Variants in NELL1 observed in about 807,000 individuals in gnomAD.
NELL1 encodes the protein neural EGFL like 1, also known as protein kinase C-binding protein NELL1.
A neutral mutation model predicts 107.4 loss-of-function variants in NELL1; 76 were observed. That is an observed-to-expected ratio of 0.71 (90% confidence interval 0.59 to 0.86). The LOEUF is 0.86. NELL1 is among the 40% of genes least tolerant of loss of function. The pLI is 0.00. For missense variants in NELL1, 1,024 were observed against 1,005.5 expected, an observed-to-expected ratio of 1.02 and a Z score of -0.25; for synonymous variants, 353 against 341.2, an observed-to-expected ratio of 1.03 and a Z score of -0.38.
chr11:21,309,837 G>T (rs11026014), intron 14 of NELL1, among the ~76,000 whole-genome samples: 1 of 151,868 alleles, frequency 6.6e-6, no homozygotes, highest in Non-Finnish European at 1.5e-5. Context: ...CAGGAAAGAC[G>T]CACCCCATTA....
intron 14 of NELL1, among the ~76,000 whole-genome samples, chr11:21,326,082 G>GTTTTTTTTTT (rs1850131682): frequency 2.4e-5 from 1 of 41,042 alleles, no homozygotes; most frequent in Non-Finnish European, 4.5e-5. Context: ...TTTTTTTTTT[G>GTTTTTTTTTT]GGCTATTTTG....
intron 4 of NELL1, among the ~76,000 whole-genome samples, chr11:20,874,500 C>T (rs1052168592): frequency 6.6e-6 from 1 of 152,156 alleles, no homozygotes; most frequent in Admixed American, 6.5e-5. Context: ...TCTCTGTGAA[C>T]ATCTGTCAAT....
chr11:20,707,579 C>T (rs1462317457), intron 2 of NELL1, among the ~76,000 whole-genome samples: 2 of 152,162 alleles, frequency 1.3e-5, no homozygotes, highest in African/African-American at 4.8e-5. Flanking sequence ...TGTTAGTTTT[C>T]CTTCTAACAG....
chr11:20,987,589 C>T (rs1385731777), intron 12 of NELL1, among the ~76,000 whole-genome samples: 1 of 152,130 alleles, frequency 6.6e-6, no homozygotes, highest in Non-Finnish European at 1.5e-5. Context: ...TTTGTGAGAA[C>T]TCACTATCAC....
chr11:21,405,791 A>G (rs1348289644), intron 15 of NELL1, among the ~76,000 whole-genome samples: 1 of 151,910 alleles, frequency 6.6e-6, no homozygotes, highest in East Asian at 2.0e-4. Flanking sequence ...TCCTTCTACT[A>G]AAAATGGCCA....
At chr11:20,968,610 G>A (rs554759609) in intron 12 of NELL1, among the ~76,000 whole-genome samples, 1 of 152,290 alleles carries the variant, frequency 6.6e-6, no homozygotes, top group East Asian at 1.9e-4. Flanking sequence ...CATGACAAGA[G>A]GGTAGCTGTC....
At chr11:20,795,271 TAAAAC>T (rs946323252) in intron 3 of NELL1, among the ~76,000 whole-genome samples, 2 of 152,182 alleles carry the variant, frequency 1.3e-5, no homozygotes, top group Non-Finnish European at 2.9e-5. Context: ...AGTGGGCAGA[TAAAAC>T]GAAACAGAAA....
At chr11:21,383,663 A>G (rs1271765735) in intron 15 of NELL1, 2 of 140,630 alleles carry the variant, frequency 1.4e-5, no homozygotes, top group South Asian at 2.3e-4. Context: ...ACAGATTTAT[A>G]TATGTATATA....
intron 12 of NELL1, among the ~76,000 whole-genome samples, chr11:21,050,278 AC>A (rs1358322295): frequency 1.3e-5 from 2 of 151,380 alleles, no homozygotes; most frequent in Non-Finnish European, 2.9e-5. Context: ...CCCGCCCCCC[AC>A]TTTTTTTTAA....
At chr11:21,303,308 TG>T (rs912421069) in intron 14 of NELL1, among the ~76,000 whole-genome samples, 46 of 152,106 alleles carry the variant, frequency 3.0e-4, no homozygotes, top group Admixed American at 1.7e-3. Context: ...TATTGCAAAT[TG>T]TTTTTTTAGA....
intron 15 of NELL1, among the ~76,000 whole-genome samples, chr11:21,515,403 T>A (rs1183435657): frequency 6.6e-6 from 1 of 152,158 alleles, no homozygotes. Context: ...CACTGCAACA[T>A]GTTTAACTAA....
intron 12 of NELL1, among the ~76,000 whole-genome samples, chr11:21,070,365 C>T (rs560975337): frequency 2.0e-4 from 30 of 152,096 alleles, no homozygotes; most frequent in Admixed American, 1.2e-3. Flanking sequence ...GTTTGAGGAT[C>T]CTGGATGAAC....
chr11:20,892,802 G>A (rs116869474), intron 5 of NELL1, among the ~76,000 whole-genome samples: 3,649 of 152,114 alleles, frequency 0.024, 57 homozygotes, highest in Non-Finnish European at 0.036. Flanking sequence ...GGCGGCACGC[G>A]CCAGTAATCT....
intron 15 of NELL1, among the ~76,000 whole-genome samples, chr11:21,523,039 G>T (rs2133958266): frequency 6.6e-6 from 1 of 151,474 alleles, no homozygotes; most frequent in Non-Finnish European, 1.5e-5. Context: ...AGTAGAAACG[G>T]GGTTTCACCA....
At chr11:21,145,472 T>C (rs1855957199) in intron 13 of NELL1, among the ~76,000 whole-genome samples, 1 of 152,102 alleles carries the variant, frequency 6.6e-6, no homozygotes. Flanking sequence ...ATAATTGAGA[T>C]AGAAAGATGT....
rs1857503650 is a variant in NELL1 at position 21,211,819 on chromosome 11, TTG to T, written c.1427-17511_1427-17510del. Among the ~76,000 whole-genome samples the T allele has an allele frequency of 2.0e-5, 3 of 152,144 alleles. No homozygotes were observed. The South Asian group carries it at 6.2e-4, about 32-fold the overall frequency. ...CACGGTTCTGCTGCTTCTATTTTTT[TTG>T]TTTGTTTGGTTTTTTTGTTTTTGAG... On this transcript the variant is annotated intron_variant, in intron 13 of 19. Coordinates refer to ENST00000357134, the MANE Select transcript of NELL1 (RefSeq NM_006157.5).
At chr11:21,288,045 T>G (rs1032781098) in intron 14 of NELL1, among the ~76,000 whole-genome samples, 95 of 143,776 alleles carry the variant, frequency 6.6e-4, no homozygotes, top group Non-Finnish European at 7.8e-4. Flanking sequence ...AAAGAAAAAA[T>G]AAGGGAAGGA....
At chr11:21,520,508 A>C (rs910591781) in intron 15 of NELL1, among the ~76,000 whole-genome samples, 1 of 152,128 alleles carries the variant, frequency 6.6e-6, no homozygotes, top group Non-Finnish European at 1.5e-5. Flanking sequence ...TCTGGCCTAT[A>C]GGGGTGGTAA....
Position 21,479,225 on chromosome 11 carries a change from G to C in NELL1, c.1646-55149G>C, listed in dbSNP as rs1258969299. On this transcript the variant is annotated intron_variant, in intron 15 of 19. Coordinates refer to ENST00000357134, the MANE Select transcript of NELL1 (RefSeq NM_006157.5). Reference sequence around the variant, plus strand: ...AGGAAGGAAATCTGTCCATCAAAGAGATATCTACACTCCTATGTTTATTGT... The same window carrying C: ...AGGAAGGAAATCTGTCCATCAAAGACATATCTACACTCCTATGTTTATTGT... Among the ~76,000 whole-genome samples the C allele has an allele frequency of 2.4e-4, 37 of 151,958 alleles. 1 individual carries two copies. The highest frequency in any genetic ancestry group is 1.2e-4 in the Non-Finnish European group (8 of 67,956).
Sources: allele counts gnomAD v4.1 joint callset (sites outside exome capture counted in the v4.1 genomes callset), GRCh38; gene constraint gnomAD v4.1.1; transcripts MANE v1.5; gene names NCBI Gene and HGNC (gene_info 2026-07-23, HGNC 2026-07-21).